Variants in NPAS3 observed in about 807,000 individuals in gnomAD.
The protein encoded by NPAS3 is neuronal PAS domain-containing protein 3.
A neutral mutation model predicts 73.1 loss-of-function variants in NPAS3; 14 were observed. That is an observed-to-expected ratio of 0.19 (90% CI 0.13 to 0.30). The LOEUF is 0.30. NPAS3 is among the 10% of genes least tolerant of loss of function. The pLI, the probability that NPAS3 is intolerant of heterozygous loss-of-function variation, is 1.00. For synonymous variants in NPAS3, 620 were observed against 541.5 expected, an observed-to-expected ratio of 1.14 and a Z score of -2.01; for missense variants, 1,096 against 1,250.0, an observed-to-expected ratio of 0.88 and a Z score of 1.86.
intron 4 of NPAS3, among the ~76,000 whole-genome samples, chr14:33,413,444 A>G (rs991551604): frequency 4.6e-5 from 7 of 152,166 alleles, no homozygotes; most frequent in African/African-American, 1.4e-4. Context: ...GAACTGCAGC[A>G]TCCTCAGATC....
At chr14:33,380,046 A>G (rs60212885) in intron 4 of NPAS3, among the ~76,000 whole-genome samples, 16 of 102,336 alleles carry the variant, frequency 1.6e-4, no homozygotes, top group African/African-American at 3.6e-4. Flanking sequence ...GTGGGGGGGA[A>G]AAAGAAAATG....
intron 4 of NPAS3, among the ~76,000 whole-genome samples, chr14:33,388,137 CT>C (rs779797971): frequency 4.0e-4 from 61 of 152,218 alleles, no homozygotes; most frequent in Non-Finnish European, 7.1e-4. Flanking sequence ...ATGCACAGGG[CT>C]TTGCAAGGGT....
At chr14:32,971,443 T>A (rs1295915) in intron 1 of NPAS3, among the ~76,000 whole-genome samples, 1 of 152,126 alleles carries the variant, frequency 6.6e-6, no homozygotes, top group East Asian at 1.9e-4. Context: ...AGATAGTTTT[T>A]AAGGCATCTT....
At chr14:33,275,008 C>T (rs2041263070) in intron 3 of NPAS3, among the ~76,000 whole-genome samples, 1 of 152,190 alleles carries the variant, frequency 6.6e-6, no homozygotes, top group Non-Finnish European at 1.5e-5. Context: ...CATGAGTTTG[C>T]TGCTTTTCTC....
intron 5 of NPAS3, among the ~76,000 whole-genome samples, chr14:33,663,938 T>G (rs2059380696): frequency 1.3e-5 from 2 of 152,058 alleles, no homozygotes; most frequent in African/African-American, 4.8e-5. Flanking sequence ...CTTTTCCTCT[T>G]TATCAGTCTG....
chr14:33,095,670 A>AT lies in NPAS3; in HGVS notation c.140+39692dup, dbSNP rs869237169. Among the ~76,000 whole-genome samples the AT allele has an allele frequency of 2.0e-3, 145 of 71,290 alleles. 2 individuals carry two copies. The highest frequency in any genetic ancestry group is 0.014 in the South Asian group (37 of 2,664). The allele number at this position is 71,290 out of a possible 152,430, so 46.8% of individuals were successfully genotyped here. ...GGGCATTCTCTGCTTTTATTTTTTT[A>AT]TTTTTTTTTTTTTTTTGAGAGGGAG... On this transcript the variant is annotated intron_variant, in intron 2 of 11. Coordinates refer to ENST00000356141, the Ensembl canonical transcript of NPAS3.
At chr14:33,643,375 TAAAAAAAAAAA>T (rs755879056) in intron 5 of NPAS3, among the ~76,000 whole-genome samples, 3 of 94,638 alleles carry the variant, frequency 3.2e-5, no homozygotes, top group Non-Finnish European at 4.1e-5. Flanking sequence ...AAATAAAAAT[TAAAAAAAAAAA>T]AAAAAAAAAA....
chr14:33,615,158 T>G (rs1239087323), intron 5 of NPAS3, among the ~76,000 whole-genome samples: 1 of 151,968 alleles, frequency 6.6e-6, no homozygotes, highest in Non-Finnish European at 1.5e-5. Context: ...CGGATTAGGT[T>G]TGAGTGGGGC....
intron 2 of NPAS3, among the ~76,000 whole-genome samples, chr14:33,111,517 T>C (rs1005550881): frequency 2.0e-5 from 3 of 152,146 alleles, no homozygotes; most frequent in African/African-American, 7.2e-5. Flanking sequence ...CCCCAGGAAC[T>C]CTATTCCATT....
chr14:33,803,803 G>T (rs2063771578), downstream of NPAS3: 1 of 151,832 alleles, frequency 6.6e-6, no homozygotes, highest in South Asian at 2.1e-4. Context: ...TTTATGAGGA[G>T]ACTGGTGCCA....
intron 3 of NPAS3, among the ~76,000 whole-genome samples, chr14:33,348,571 A>G (rs1080796): frequency 0.038 from 5,744 of 152,212 alleles, 387 homozygotes; most frequent in African/African-American, 0.13. Flanking sequence ...GTCCAGGACA[A>G]GATTGTTTAT....
intron 6 of NPAS3, among the ~76,000 whole-genome samples, chr14:33,722,360 A>G (rs1180033874): frequency 2.6e-5 from 4 of 152,140 alleles, no homozygotes; most frequent in Admixed American, 1.3e-4. Context: ...ACTTAAGGAA[A>G]GGGGGGGTAA....
At chr14:33,754,973 G>A (rs1291952651) in intron 7 of NPAS3, among the ~76,000 whole-genome samples, 1 of 152,214 alleles carries the variant, frequency 6.6e-6, no homozygotes, top group Non-Finnish European at 1.5e-5. Context: ...GTGAGAGTTA[G>A]CCAAATGGAG....
intron 4 of NPAS3, among the ~76,000 whole-genome samples, chr14:33,456,060 A>G (rs1481551636): frequency 6.6e-6 from 1 of 152,206 alleles, no homozygotes; most frequent in East Asian, 1.9e-4. Context: ...TGATGATCCC[A>G]TTTCAATCAA....
intron 2 of NPAS3, among the ~76,000 whole-genome samples, chr14:33,177,149 T>G (rs1016738644): frequency 3.3e-5 from 5 of 149,972 alleles, no homozygotes; most frequent in African/African-American, 1.2e-4. Context: ...CAGGCTGGAG[T>G]GCAGTGGCGC....
chr14:33,465,726 T>A (rs1049540128), intron 4 of NPAS3, among the ~76,000 whole-genome samples: 2 of 152,218 alleles, frequency 1.3e-5, no homozygotes, highest in African/African-American at 4.8e-5. Context: ...TACGCTCTTT[T>A]ATTTCCTTTC....
intron 7 of NPAS3, among the ~76,000 whole-genome samples, chr14:33,762,821 G>C (rs1431664722): frequency 6.6e-6 from 1 of 152,230 alleles, no homozygotes; most frequent in Non-Finnish European, 1.5e-5. Flanking sequence ...AAAGTCATAT[G>C]AGTGTTTTGA....
At chr14:32,968,785 TA>T (rs2037299085) in intron 1 of NPAS3, among the ~76,000 whole-genome samples, 1 of 151,054 alleles carries the variant, frequency 6.6e-6, no homozygotes, top group African/African-American at 2.4e-5. Context: ...TTTTTTTTTT[TA>T]AACTTATTTT....
At chr14:33,776,091 C>G (rs1426335533) in intron 8 of NPAS3, among the ~76,000 whole-genome samples, 2 of 152,260 alleles carry the variant, frequency 1.3e-5, no homozygotes, top group South Asian at 2.1e-4. Flanking sequence ...AGAAGTCAGA[C>G]TGAATGGCAA....
Sources: allele counts gnomAD v4.1 joint callset (sites outside exome capture counted in the v4.1 genomes callset), GRCh38; gene constraint gnomAD v4.1.1; transcripts MANE v1.5; gene names NCBI Gene and HGNC (gene_info 2026-07-23, HGNC 2026-07-21).